HIVEP3: variants seen among roughly 807,000 people sequenced by gnomAD.
HIVEP3 encodes transcription factor HIVEP3.
HIVEP3 carries 49 observed loss-of-function variants against 152.8 expected under a neutral mutation model. The ratio of observed to expected loss-of-function variants is 0.32; its 90% CI spans 0.26 to 0.41. The LOEUF (loss-of-function observed/expected upper bound fraction) is 0.41. HIVEP3 is among the 10% of genes least tolerant of loss of function. The probability of loss-of-function intolerance (pLI) is 1.00; values close to 1 mark genes in which losing one functional copy is unlikely to be tolerated. For synonymous variants in HIVEP3, 1,269 were observed against 1,289.0 expected (o/e 0.98, Z 0.33); for missense variants, 2,790 against 3,103.3 (o/e 0.90, Z 2.40).
At chr1:41,702,677 C>T (rs550935172) in intron 1 of HIVEP3, among the ~76,000 whole-genome samples, 40 of 152,300 alleles carry the variant, frequency 2.6e-4, no homozygotes, top group Non-Finnish European at 4.6e-4. Context: ...GGCCTGTGAG[C>T]CCCTAGGGGC....
At chr1:41,781,747 C>A (rs1331381113) in intron 1 of HIVEP3, among the ~76,000 whole-genome samples, 2 of 152,194 alleles carry the variant, frequency 1.3e-5, no homozygotes, top group Non-Finnish European at 1.5e-5. Context: ...TGTAGCCAGG[C>A]CTAGCTACTT....
chr1:41,901,243 G>A (rs1644617134), intron 1 of HIVEP3, among the ~76,000 whole-genome samples: 1 of 152,088 alleles, frequency 6.6e-6, no homozygotes, highest in Non-Finnish European at 1.5e-5. Flanking sequence ...TGAGGAAGGG[G>A]CTGGGGTGTG....
Position 41,918,365 on chromosome 1 carries a change from T to C in HIVEP3, c.-801+48A>G, listed in dbSNP as rs1433171967. 6.6e-6 allele frequency: 1 copy of C among 152,210 alleles called. No homozygotes were observed. The highest frequency in any genetic ancestry group is 1.5e-5 in the Non-Finnish European group (1 of 68,110). 9.4% of individuals were successfully genotyped at this position (152,210 alleles called of 1,614,324 possible). ...GCAAAAACACAATCACAAGGTAAAA[T>C]ACAGCGCAAGGAATCCATCCGCCGA... On this transcript the variant is annotated intron_variant, in intron 1 of 8. Transcript: ENST00000372583. The surrounding 1 kb of genome is among the most constrained non-coding windows in gnomAD (Gnocchi z 4.3).
chr1:41,724,040 T>A (rs1404670183), intron 1 of HIVEP3, among the ~76,000 whole-genome samples: 1 of 152,166 alleles, frequency 6.6e-6, no homozygotes, highest in Admixed American at 6.5e-5. Context: ...AATACAGATG[T>A]TAGTTTCTCT....
At chr1:41,565,527 GACACACACACACAC>G (rs56139506) in intron 5 of HIVEP3, among the ~76,000 whole-genome samples, 13 of 137,276 alleles carry the variant, frequency 9.5e-5, no homozygotes, top group African/African-American at 3.1e-4. Context: ...AAAACTGAAA[GACACACACACACAC>G]ACACACACAC....
intron 1 of HIVEP3, among the ~76,000 whole-genome samples, chr1:41,872,201 A>G (rs544574346): frequency 1.2e-4 from 19 of 152,374 alleles, no homozygotes; most frequent in Non-Finnish European, 1.3e-4. Flanking sequence ...GCAGGTTCAC[A>G]AAGACTCCAA....
At chr1:42,003,483 C>G (rs187278615) in intron 1 of HIVEP3, among the ~76,000 whole-genome samples, 1 of 152,334 alleles carries the variant, frequency 6.6e-6, no homozygotes, top group East Asian at 1.9e-4. Context: ...GTCCTTTACT[C>G]AGCAAAGAGG....
At chr1:41,834,561 C>T (rs1315625099) in intron 1 of HIVEP3, among the ~76,000 whole-genome samples, 1 of 152,154 alleles carries the variant, frequency 6.6e-6, no homozygotes, top group Admixed American at 6.5e-5. Flanking sequence ...TTGAATAAGA[C>T]AGCGATGTGG....
intron 1 of HIVEP3, among the ~76,000 whole-genome samples, chr1:41,761,091 T>G (rs913678552): frequency 6.6e-6 from 1 of 152,224 alleles, no homozygotes; most frequent in Non-Finnish European, 1.5e-5. Context: ...GGCAGAGAGA[T>G]TACAGGGACA....
At chr1:41,611,721 C>T (rs1016229613) in intron 3 of HIVEP3, among the ~76,000 whole-genome samples, 3 of 152,234 alleles carry the variant, frequency 2.0e-5, no homozygotes, top group Non-Finnish European at 4.4e-5. Flanking sequence ...AGAGACCCAC[C>T]TGGCTTTCTC....
At chr1:41,631,576 C>T (rs1177776832) in intron 2 of HIVEP3, among the ~76,000 whole-genome samples, 1 of 152,114 alleles carries the variant, frequency 6.6e-6, no homozygotes, top group African/African-American at 2.4e-5. Context: ...TCCTACAGAG[C>T]ATACAGGTCA....
chr1:41,900,264 G>A lies in HIVEP3; in HGVS notation c.-801+18149C>T, dbSNP rs115092666. ...CCCTGTCCTACAGGGCTGCTATAAG[G>A]ATTTAATGTGATGAGAATCCTAACA... On this transcript the variant is annotated intron_variant, in intron 1 of 8. Coordinates refer to ENST00000372583, the MANE Select transcript of HIVEP3 (RefSeq NM_024503.5). Among the ~76,000 whole-genome samples, 1,433 of 152,214 alleles carry A rather than the reference G, an allele frequency of 9.4e-3. 21 individuals are homozygous for A. The highest frequency in any genetic ancestry group is 0.033 in the African/African-American group (1,376 of 41,516).
In HIVEP3 at chr1:41,771,592, G is replaced by T. The variant is rs1024303954; in HGVS notation, c.-800-70597C>A. Among the ~76,000 whole-genome samples the T allele has an allele frequency of 7.2e-5, 11 of 152,280 alleles. No homozygotes were observed. In the East Asian group the frequency reaches 1.9e-3, roughly 27 times the overall value. On this transcript the variant is annotated intron_variant, in intron 1 of 8. Coordinates refer to ENST00000372583, the MANE Select transcript of HIVEP3 (RefSeq NM_024503.5). ...GTTTTGGCAGGAGGGGCTGGAAGGG[G>T]TAAGGAAGCAGGAGGAGTTGGATTT...
intron 1 of HIVEP3, among the ~76,000 whole-genome samples, chr1:41,818,166 G>A (rs1246200772): frequency 1.3e-5 from 2 of 152,220 alleles, no homozygotes; most frequent in Non-Finnish European, 2.9e-5. Context: ...CAAAGCATAT[G>A]AATAGGCAAT....
upstream of HIVEP3, among the ~76,000 whole-genome samples, chr1:41,920,230 C>T (rs531087190): frequency 1.5e-4 from 23 of 152,300 alleles, no homozygotes; most frequent in African/African-American, 5.5e-4. Flanking sequence ...CCCTGGCAGC[C>T]GGAAATGTCA....
chr1:41,580,654 C>T lies in HIVEP3; in HGVS notation c.4144G>A (p.Gly1382Arg). The change falls in exon 4 of 9, where the codon GGG becomes AGG. Residue 1382 changes from glycine (G) to arginine (R), a missense_variant. By Grantham distance (125) the Gly-to-Arg change is moderately radical (BLOSUM62 -2). Coordinates refer to ENST00000372583, the MANE Select transcript of HIVEP3 (RefSeq NM_024503.5). ...DVHEVGPGPS[G>R]LSEEQSRAFP... ...GCTCTGCTTTGCTCTTCACTTAACC[C>T]AGAAGGGCCGGGCCCAACCTCATGC... 1 of 1,614,028 alleles carries T rather than the reference C, an allele frequency of 6.2e-7. No individual in the cohort carries two copies. Among genetic ancestry groups the T allele is most frequent in the Non-Finnish European group, 8.5e-7 (1 of 1,179,996 alleles).
intron 1 of HIVEP3, among the ~76,000 whole-genome samples, chr1:41,741,820 AAC>A (rs1647001012): frequency 6.6e-6 from 1 of 152,234 alleles, no homozygotes; most frequent in Non-Finnish European, 1.5e-5. Flanking sequence ...CGATTTGTCA[AAC>A]ACAGGGCTGT....
intron 1 of HIVEP3, among the ~76,000 whole-genome samples, chr1:41,907,152 G>A (rs1644726490): frequency 6.6e-6 from 1 of 152,164 alleles, no homozygotes; most frequent in African/African-American, 2.4e-5. Context: ...AAAAGAGGAA[G>A]TGCCTTTCCA....
Position 41,544,659 on chromosome 1 carries a change from ACTACTACCACCACCACCACCT to A in HIVEP3, c.5208-19770_5208-19750del, listed in dbSNP as rs1569837465. The stretch of plus-strand genomic sequence containing the variant: ...TACCATCACCACCACCACTACCACC[ACTACTACCACCACCACCACCT>A]CTACCACCACTGCTACCATCACCAC... On this transcript the variant is annotated intron_variant, in intron 5 of 8. Coordinates refer to ENST00000372583, the MANE Select transcript of HIVEP3 (RefSeq NM_024503.5). 4.2e-5 allele frequency among the ~76,000 whole-genome samples: 6 copies of A among 144,218 alleles called. No individual in the cohort carries two copies. In the East Asian group the frequency reaches 1.3e-3, roughly 31 times the overall value. The allele number at this position is 144,218 out of a possible 152,430, so 94.6% of individuals were successfully genotyped here.
Sources: allele counts gnomAD v4.1 joint callset (sites outside exome capture counted in the v4.1 genomes callset), GRCh38; gene constraint gnomAD v4.1.1; non-coding constraint Gnocchi (gnomAD v3.1); transcripts MANE v1.5; gene names NCBI Gene and HGNC (gene_info 2026-07-23, HGNC 2026-07-21).